The following SFPQ variants were observed in gnomAD, a reference collection of about 807,000 sequenced individuals.
SFPQ encodes the protein splicing factor proline and glutamine rich, also known as splicing factor, proline- and glutamine-rich.
In SFPQ, 11 loss-of-function variants were observed where a neutral mutation model predicts 72.9. The observed-to-expected ratio is 0.15, with a 90% CI of 0.09 to 0.25. The LOEUF is 0.25. SFPQ is among the 10% of genes least tolerant of loss of function. The pLI is 1.00. For synonymous variants in SFPQ, 506 were observed against 367.3 expected (o/e 1.38, Z -4.32); for missense variants, 847 against 993.3 (o/e 0.85, Z 1.98).
Position 35,192,689 on chromosome 1 carries a change from C to T in SFPQ, c.361G>A (p.Val121Ile). ...CTGGAGGCTGGTGGTGCGCTGCCTA[C>T]TCCGGGAGCGGGGCCGGGTCCCTGA... The part of the protein sequence containing the change: ...VAQGPGPAPG[V>I]GSAPPASSSA... The change falls in exon 1 of 10, where the codon GTA (valine) becomes ATA (isoleucine). Residue 121 changes from valine to isoleucine, a missense_variant. Physicochemically the swap from Val to Ile is conservative, Grantham distance 29. Around this residue, in one of 6 missense-constraint regions of SFPQ, gnomAD observed 498 missense variants for 405.1 expected, o/e 1.23. Transcript: ENST00000357214. 7.0e-7 allele frequency: 1 copy of T among 1,435,244 alleles called. No homozygotes were observed. The highest frequency in any genetic ancestry group is 9.1e-7 in the Non-Finnish European group (1 of 1,102,716). The allele number at this position is 1,435,244 out of a possible 1,614,324, so 88.9% of individuals were successfully genotyped here.
At chr1:35,188,334 T>C (rs751471818) in intron 6 of SFPQ, among the ~76,000 whole-genome samples, 51 of 152,232 alleles carry the variant, frequency 3.4e-4, no homozygotes, top group Non-Finnish European at 5.9e-4. Context: ...CCTTTGTATT[T>C]TGCCTGACTG....
Position 35,187,258 on chromosome 1 carries a change from G to A in SFPQ, c.1816-7C>T, listed in dbSNP as rs764570498. The A allele has an allele frequency of 9.3e-5, 150 of 1,613,728 alleles. No homozygotes were observed. Among genetic ancestry groups the A allele is most frequent in the Non-Finnish European group, 1.2e-4 (140 of 1,179,860 alleles). On this transcript the variant is annotated splice_region_variant and splice_polypyrimidine_tract_variant and intron_variant, in intron 7 of 9. Transcript: ENST00000357214. ...TTCGCATGTCTCTTTCCCGCTGCAA[G>A]AAAAAAATTCCTTTCAATATACCTG...
Position 35,190,705 on chromosome 1 carries a change from G to A in SFPQ, c.1308C>T (p.Phe436=), listed in dbSNP as rs763332731. Residue 436 remains phenylalanine (F), a synonymous_variant, in exon 3 of 10, where the codon TTC becomes TTT. Transcript: ENST00000357214. The part of the protein sequence containing the change: ...KAFERCSEGV[F]LLTTTPRPVI... ...ACAAGACAACTTACGTCGTCAGTAAGAAAACACCTTCACTGCATCGTTCAA... is the reference window on the plus strand; with the variant it reads ...ACAAGACAACTTACGTCGTCAGTAAAAAAACACCTTCACTGCATCGTTCAA... The A allele has an allele frequency of 3.3e-4, 531 of 1,613,524 alleles. No individual in the cohort carries two copies. Among genetic ancestry groups the A allele is most frequent in the Non-Finnish European group, 4.3e-4 (504 of 1,179,746 alleles).
downstream of SFPQ, chr1:35,180,653 C>G (rs1639428864): frequency 3.8e-6 from 4 of 1,053,874 alleles, no homozygotes; most frequent in South Asian, 9.1e-5. Context: ...AAAACCTGTA[C>G]TTTTAGTTCA....
At chr1:35,182,680 A>C (rs1181102450), downstream of SFPQ, 10 of 985,314 alleles carry the variant, frequency 1.0e-5, no homozygotes, top group Non-Finnish European at 1.2e-5. Context: ...AAAGAGGTGA[A>C]AAGGAGGAAG....
downstream of SFPQ, chr1:35,178,042 G>T (rs1311701666): frequency 9.3e-6 from 12 of 1,283,552 alleles, no homozygotes; most frequent in East Asian, 4.4e-5. Context: ...CTTACCTAAA[G>T]AATAATAAGA....
chr1:35,179,633 A>G (rs1639386090), downstream of SFPQ: 1 of 1,055,116 alleles, frequency 9.5e-7, no homozygotes, highest in Admixed American at 5.4e-5. Context: ...TAAAGCTAGT[A>G]AGAACACACT....
intron 7 of SFPQ, 110 bp from the exon 8 acceptor site, chr1:35,187,361 G>A (rs1639771336): frequency 2.1e-6 from 2 of 972,270 alleles, no homozygotes; most frequent in Non-Finnish European, 3.3e-6. Flanking sequence ...AAGTTCAAAA[G>A]TTCATCATGT....
At chr1:35,186,271 G>A (rs1012952501) in intron 9 of SFPQ, among the ~76,000 whole-genome samples, 2 of 152,146 alleles carry the variant, frequency 1.3e-5, no homozygotes, top group Non-Finnish European at 2.9e-5. Flanking sequence ...GATTTGTAAA[G>A]CCCTAATGCA....
intron 7 of SFPQ, among the ~76,000 whole-genome samples, chr1:35,187,634 G>T (rs1639784123): frequency 6.6e-6 from 1 of 152,024 alleles, no homozygotes. Flanking sequence ...AAGAGGCTGA[G>T]GCAGGAGAAT....
chr1:35,177,261 G>GT (rs1639284668), intron 5 of SFPQ: 1 of 152,082 alleles, frequency 6.6e-6, no homozygotes, highest in Non-Finnish European at 1.5e-5. Context: ...TGTTATTTTT[G>GT]TACCACCCAA....
rs1420175819 is a variant in SFPQ at position 35,184,379 on chromosome 1, T to TA, written c.*76dup. The TA allele has an allele frequency of 6.4e-7, 1 of 1,568,962 alleles. No individual in the cohort carries two copies. The highest frequency in any genetic ancestry group is 1.4e-5 in the African/African-American group (1 of 71,908). ...ATCCATAAAAAGATAGCTTTCTTACTAAAATGCAAGAATTTAAAAGATTGG... is the reference window on the plus strand; with the variant it reads ...ATCCATAAAAAGATAGCTTTCTTACTAAAAATGCAAGAATTTAAAAGATTGG... On this transcript the variant is annotated 3_prime_UTR_variant, in exon 10 of 10. Coordinates refer to ENST00000357214, the MANE Select transcript of SFPQ (RefSeq NM_005066.3).
At chr1:35,188,179 T>C in intron 6 of SFPQ, 89 bp from the exon 7 acceptor site, 1 of 981,176 alleles carries the variant, frequency 1.0e-6, no homozygotes, top group Non-Finnish European at 1.6e-6. Context: ...ACCTAAGAAC[T>C]AGGTTAGCAC....
rs745358567 is a variant in SFPQ, at chr1:35,189,106, T to G, written c.1613-19A>C. On this transcript the variant is annotated intron_variant, in intron 5 of 9. Coordinates refer to ENST00000357214, the MANE Select transcript of SFPQ (RefSeq NM_005066.3). The stretch of plus-strand genomic sequence containing the variant: ...ATCAGATCTGAACATTGGAAAATAT[T>G]TGGATTCACATTAACAAGGTTCTAA... 3.1e-6 allele frequency: 5 copies of G among 1,613,298 alleles called. No homozygotes were observed. In the South Asian group the frequency reaches 4.4e-5, roughly 14 times the overall value.
rs1570113553 is a variant in SFPQ at position 35,183,048 on chromosome 1, T to G, written c.*1408A>C. On this transcript the variant is annotated 3_prime_UTR_variant, in exon 10 of 10. Transcript: ENST00000357214. ...CGAAACTATGTGAAAACAAGTTAAA[T>G]TTACAATAAGAATGATTATCTGCAA... is the stretch of plus-strand genomic sequence containing the variant. 3.9e-6 allele frequency: 4 copies of G among 1,033,836 alleles called. No homozygotes were observed. The East Asian group carries it at 1.8e-4, about 47-fold the overall frequency. The allele number at this position is 1,033,836 out of a possible 1,614,324, so 64.0% of individuals were successfully genotyped here. A position where few individuals can be genotyped will look rare whatever the true frequency, so the allele number is the denominator to read the frequency against.
chr1:35,187,155 C>G (rs749566365), intron 8 of SFPQ, 33 bp from the exon 9 acceptor site: 4 of 1,613,886 alleles, frequency 2.5e-6, no homozygotes, highest in Non-Finnish European at 2.5e-6. Context: ...ACAACTCCAC[C>G]AGGATACTAC....
At chr1:35,177,734 C>T (rs964579932) in intron 4 of SFPQ, 2 of 160,504 alleles carry the variant, frequency 1.2e-5, no homozygotes, top group African/African-American at 2.4e-5. Context: ...CCCCTTAAGT[C>T]AAGTTTTCTT....
downstream of SFPQ, chr1:35,180,432 T>C (rs887432387): frequency 1.0e-5 from 11 of 1,048,216 alleles, no homozygotes; most frequent in South Asian, 4.6e-5. Flanking sequence ...GAAACGACGA[T>C]GTCTTATGAT....
In SFPQ at chr1:35,187,242, C is replaced by T; in HGVS notation, c.1825G>A (p.Asp609Asn). The change falls in exon 8 of 10, where the codon GAC (aspartate) becomes AAC (asparagine). Residue 609 changes from aspartate to asparagine, a missense_variant. This residue lies in a region of SFPQ where 154 missense variants were observed against 186.0 expected (regional missense o/e 0.83). Coordinates refer to ENST00000357214, the MANE Select transcript of SFPQ (RefSeq NM_005066.3). ...RMGYMDPRERDMRMGGGGAMN... is the reference protein window; with the variant it reads ...RMGYMDPRERNMRMGGGGAMN... ...GCTCCTCCGCCACCCATTCGCATGT[C>T]TCTTTCCCGCTGCAAGAAAAAAATT... is the stretch of plus-strand genomic sequence containing the variant. 3 of 1,614,190 alleles carry T rather than the reference C, an allele frequency of 1.9e-6. No individual in the cohort carries two copies. Among genetic ancestry groups the T allele is most frequent in the Non-Finnish European group, 2.5e-6 (3 of 1,180,028 alleles).
Sources: allele counts gnomAD v4.1 joint callset (sites outside exome capture counted in the v4.1 genomes callset), GRCh38; gene constraint gnomAD v4.1.1; regional missense constraint gnomAD v4.1.1; transcripts MANE v1.5; gene names NCBI Gene and HGNC (gene_info 2026-07-23, HGNC 2026-07-21).